SRRM4: variants seen among roughly 807,000 people sequenced by gnomAD.
SRRM4 encodes the protein serine/arginine repetitive matrix protein 4.
A neutral mutation model predicts 68.9 loss-of-function variants in SRRM4; 33 were observed. That is an observed-to-expected ratio of 0.48 (90% CI 0.36 to 0.64). SRRM4 has a LOEUF of 0.64. Among genes scored for constraint, SRRM4 ranks in the 30% least tolerant of loss-of-function variants. The pLI is 0.00. For missense variants in SRRM4, 817 were observed against 827.1 expected, an observed-to-expected ratio of 0.99 and a Z score of 0.15; for synonymous variants, 318 against 318.8, an observed-to-expected ratio of 1.00 and a Z score of 0.03.
chr12:119,095,959 C>CAAA (rs34062118), intron 1 of SRRM4, among the ~76,000 whole-genome samples: 3 of 105,974 alleles, frequency 2.8e-5, no homozygotes, highest in African/African-American at 7.4e-5. Context: ...GCCTCAGTCT[C>CAAA]AAAAAAAAAA....
chr12:119,118,633 T>G (rs1954196798), intron 4 of SRRM4, among the ~76,000 whole-genome samples: 1 of 152,252 alleles, frequency 6.6e-6, no homozygotes, highest in Non-Finnish European at 1.5e-5. Context: ...GAGTCCTTTG[T>G]AGAGGCAATG....
chr12:119,009,000 G>GC (rs1311058626), intron 1 of SRRM4, among the ~76,000 whole-genome samples: 2 of 152,082 alleles, frequency 1.3e-5, no homozygotes, highest in Admixed American at 1.3e-4. Flanking sequence ...TGAATCCGTG[G>GC]CCCCCAGCCC....
intron 1 of SRRM4, among the ~76,000 whole-genome samples, chr12:119,095,124 G>T (rs1954035357): frequency 6.6e-6 from 1 of 152,136 alleles, no homozygotes; most frequent in Non-Finnish European, 1.5e-5. Flanking sequence ...CCCCATCCAG[G>T]CTTAATGAAC....
rs574261049 is a variant in SRRM4, at chr12:119,052,525, G to T, written c.132-49711G>T. ...TTGTTGTTGTTGTTGTTGTTGTTTT[G>T]TTTGTTTATTTATTTATTTTTGAGA... On this transcript the variant is annotated intron_variant, in intron 1 of 12. Transcript: ENST00000267260. 5.9e-5 allele frequency among the ~76,000 whole-genome samples: 9 copies of T among 151,284 alleles called. No homozygotes were observed. In the East Asian group the frequency reaches 1.6e-3, roughly 27 times the overall value.
At chr12:119,086,348 G>A (rs1953979665) in intron 1 of SRRM4, among the ~76,000 whole-genome samples, 1 of 152,136 alleles carries the variant, frequency 6.6e-6, no homozygotes, top group African/African-American at 2.4e-5. Flanking sequence ...AAAGTGCTTT[G>A]CTTCCATCCT....
chr12:119,086,754 A>G (rs902740245), intron 1 of SRRM4, among the ~76,000 whole-genome samples: 9 of 152,196 alleles, frequency 5.9e-5, no homozygotes, highest in Non-Finnish European at 2.9e-5. Context: ...CTTTGGCTAG[A>G]TGGTTGATCC....
At chr12:119,040,448 G>A (rs1230619464) in intron 1 of SRRM4, among the ~76,000 whole-genome samples, 1 of 152,156 alleles carries the variant, frequency 6.6e-6, no homozygotes, top group Non-Finnish European at 1.5e-5. Context: ...AACATATGAT[G>A]TTTGGTTTTC....
At chr12:119,093,497 C>T (rs933215282) in intron 1 of SRRM4, among the ~76,000 whole-genome samples, 2 of 152,126 alleles carry the variant, frequency 1.3e-5, no homozygotes, top group South Asian at 4.1e-4. Flanking sequence ...GTGATGGTCC[C>T]CAAAAGGGAC....
chr12:118,998,246 T>C (rs1953361027), intron 1 of SRRM4, among the ~76,000 whole-genome samples: 1 of 111,586 alleles, frequency 9.0e-6, no homozygotes, highest in African/African-American at 3.6e-5. Context: ...ACTGTGCAAC[T>C]GAGTGGATAA....
intron 1 of SRRM4, among the ~76,000 whole-genome samples, chr12:119,087,152 T>A (rs1479144219): frequency 6.6e-6 from 1 of 152,212 alleles, no homozygotes; most frequent in Non-Finnish European, 1.5e-5. Flanking sequence ...CTCAGTTTCT[T>A]CATTGGTAAA....
intron 1 of SRRM4, among the ~76,000 whole-genome samples, chr12:118,999,388 G>C (rs1244248882): frequency 1.3e-5 from 2 of 152,166 alleles, no homozygotes; most frequent in Non-Finnish European, 2.9e-5. Context: ...GGAGGGGAAG[G>C]CAGCAGGGAG....
intron 1 of SRRM4, among the ~76,000 whole-genome samples, chr12:119,032,308 A>G (rs1350474351): frequency 6.6e-6 from 1 of 152,222 alleles, no homozygotes; most frequent in Non-Finnish European, 1.5e-5. Context: ...GAGAAATTGT[A>G]AGATAAAAAA....
chr12:119,010,209 C>A (rs141655215), intron 1 of SRRM4, among the ~76,000 whole-genome samples: 1 of 152,202 alleles, frequency 6.6e-6, no homozygotes. Flanking sequence ...CCCACCACCA[C>A]GCCCGGCTAA....
chr12:119,076,714 C>T (rs974230291), intron 1 of SRRM4, among the ~76,000 whole-genome samples: 2 of 152,152 alleles, frequency 1.3e-5, no homozygotes, highest in South Asian at 2.1e-4. Flanking sequence ...GTACAGCTGG[C>T]GCTTTGCTGA....
intron 8 of SRRM4, among the ~76,000 whole-genome samples, chr12:119,141,891 G>A (rs558714748): frequency 6.6e-6 from 1 of 152,350 alleles, no homozygotes; most frequent in East Asian, 1.9e-4. Context: ...TGAATGAAGT[G>A]CAGTGTATTG....
chr12:119,052,598 G>A (rs894454820), intron 1 of SRRM4, among the ~76,000 whole-genome samples: 3 of 152,004 alleles, frequency 2.0e-5, no homozygotes, highest in Admixed American at 6.6e-5. Context: ...GCGCGATCTC[G>A]GCTCACCGCA....
intron 1 of SRRM4, among the ~76,000 whole-genome samples, chr12:119,058,255 C>T (rs1488628097): frequency 1.3e-5 from 2 of 152,030 alleles, no homozygotes; most frequent in African/African-American, 2.4e-5. Context: ...ACTAATAATA[C>T]TAAGTATTAA....
chr12:119,071,778 C>T (rs201990237), intron 1 of SRRM4, among the ~76,000 whole-genome samples: 37 of 152,166 alleles, frequency 2.4e-4, no homozygotes, highest in Admixed American at 1.0e-3. Context: ...TCATGCCGCA[C>T]GCCGTTGTCA....
chr12:119,034,906 G>A (rs1455354496), intron 1 of SRRM4, among the ~76,000 whole-genome samples: 2 of 152,094 alleles, frequency 1.3e-5, no homozygotes, highest in Non-Finnish European at 2.9e-5. Context: ...TCACAACTGA[G>A]AATTTGGGTG....
Sources: gnomAD v4.1 joint callset for allele counts (sites outside exome capture counted in the v4.1 genomes callset) on GRCh38, gnomAD v4.1.1 for gene constraint, MANE v1.5 for transcripts, NCBI Gene and HGNC (gene_info 2026-07-23, HGNC 2026-07-21) for gene names.